SBNO1: variants seen among roughly 807,000 people sequenced by gnomAD.
The protein encoded by SBNO1 is strawberry notch homolog 1.
A neutral mutation model predicts 173.6 loss-of-function variants in SBNO1; 23 were observed. The ratio of observed to expected loss-of-function variants is 0.13; its 90% CI spans 0.10 to 0.19. The LOEUF (loss-of-function observed/expected upper bound fraction) is 0.19. SBNO1 is among the 10% of genes least tolerant of loss of function. SBNO1 has a pLI of 1.00. For synonymous variants in SBNO1, 632 were observed against 571.5 expected (o/e 1.11, Z -1.51); for missense variants, 1,238 against 1,671.2 (o/e 0.74, Z 4.52).
intron 1 of SBNO1, among the ~76,000 whole-genome samples, chr12:123,361,672 T>G (rs1875195210): frequency 1.4e-5 from 2 of 146,948 alleles, no homozygotes; most frequent in Admixed American, 1.4e-4. Context: ...AGCGGGAGGT[T>G]GCAGTGAGCT....
At chr12:123,353,767 T>C (rs1874138985) in intron 1 of SBNO1, among the ~76,000 whole-genome samples, 1 of 152,222 alleles carries the variant, frequency 6.6e-6, no homozygotes, top group Non-Finnish European at 1.5e-5. Flanking sequence ...AAATAGGGTC[T>C]TGGCCCACTG....
At chr12:123,363,001 C>G (rs976374202) in intron 1 of SBNO1, among the ~76,000 whole-genome samples, 28 of 151,996 alleles carry the variant, frequency 1.8e-4, no homozygotes, top group African/African-American at 6.3e-4. Flanking sequence ...GTGGGACGAT[C>G]GCTTGAGCCC....
Position 123,309,489 on chromosome 12 carries a change from T to G in SBNO1, c.3537A>C (p.Thr1179=). The G allele has an allele frequency of 6.2e-7, 1 of 1,610,304 alleles. No homozygotes were observed. Among genetic ancestry groups the G allele is most frequent in the South Asian group, 1.1e-5 (1 of 91,006 alleles). Residue 1179 remains threonine, a splice_region_variant and synonymous_variant, in exon 27 of 32, where the codon ACA becomes ACC. Transcript: ENST00000602398. ...YSTSGHVELY[T]ISVERGMSWE... The stretch of plus-strand genomic sequence containing the variant: ...ACTTCACAACATTTTCTAAACTTAC[T>G]GTGTATAATTCTACGTGGCCAGAGG...
rs182670630 is a variant in SBNO1, at chr12:123,314,606, C to T, written c.3120+767G>A. ...GTCTCCCAAAGTGCTGGATTACAGG[C>T]GTGAGCCACTGTGCCCAGCCACGCC... On this transcript the variant is annotated intron_variant, in intron 23 of 31. Coordinates refer to ENST00000602398, the MANE Select transcript of SBNO1 (RefSeq NM_001167856.3). 3.0e-3 allele frequency among the ~76,000 whole-genome samples: 452 copies of T among 151,562 alleles called. 2 individuals are homozygous for T. Among genetic ancestry groups the T allele is most frequent in the African/African-American group, 1.0e-2 (413 of 41,336 alleles).
Position 123,291,361 on chromosome 12 carries a change from G to A in SBNO1, c.*4547C>T, listed in dbSNP as rs1232417295. ...GCAAGTCAGGTTTGCTGATCTAAGAGCTAAGTTTGATCCCAAATGCACTGA... is the reference window on the plus strand; with the variant it reads ...GCAAGTCAGGTTTGCTGATCTAAGAACTAAGTTTGATCCCAAATGCACTGA... On this transcript the variant is annotated 3_prime_UTR_variant, in exon 32 of 32. Transcript: ENST00000602398. 6.6e-6 allele frequency: 1 copy of A among 152,154 alleles called. No homozygotes were observed. Among genetic ancestry groups the A allele is most frequent in the Non-Finnish European group, 1.5e-5 (1 of 68,034 alleles). 9.4% of individuals were successfully genotyped at this position (152,154 alleles called of 1,614,324 possible).
At position 123,294,634 on chromosome 12, in the gene SBNO1, C is replaced by CAAAAAAAAAAAAAAAAAAAAAAAAGAAAA. The variant is rs2048560283; in HGVS notation, c.*1273_*1274insTTTTCTTTTTTTTTTTTTTTTTTTTTTTT. ...TTTTCAATAGTGCAACCTGTGGAAG[C>CAAAAAAAAAAAAAAAAAAAAAAAAGAAAA]AAAAAAAAAAAAAAAAAAAAAAAAA... On this transcript the variant is annotated 3_prime_UTR_variant, in exon 32 of 32. Coordinates refer to ENST00000602398, the MANE Select transcript of SBNO1 (RefSeq NM_001167856.3). The CAAAAAAAAAAAAAAAAAAAAAAAAGAAAA allele has an allele frequency of 2.2e-4, 13 of 59,958 alleles. No individual in the cohort carries two copies. The highest frequency in any genetic ancestry group is 2.6e-4 in the Admixed American group (1 of 3,894). 3.7% of individuals were successfully genotyped at this position (59,958 alleles called of 1,614,324 possible).
At chr12:123,316,949 A>G (rs918692286) in intron 21 of SBNO1, among the ~76,000 whole-genome samples, 1 of 151,360 alleles carries the variant, frequency 6.6e-6, no homozygotes, top group South Asian at 2.1e-4. Flanking sequence ...TGATGCACCC[A>G]CCTCAGCCTC....
intron 1 of SBNO1, among the ~76,000 whole-genome samples, chr12:123,359,135 G>A (rs560393534): frequency 1.2e-4 from 18 of 151,868 alleles, no homozygotes; most frequent in African/African-American, 3.6e-4. Flanking sequence ...GGGTTTCACC[G>A]TGCTAGCCAG....
Position 123,321,662 on chromosome 12 carries a change from G to C in SBNO1, c.2196C>G (p.Asp732Glu), listed in dbSNP as rs1869987864. ...VGGLTGSSSD[D>E]SGSESDASDN... ...CAGAGGCATCAGATTCACTTCCACTGTCGTCAGAACTGCTACCAGTAAGGC... is the reference window on the plus strand; with the variant it reads ...CAGAGGCATCAGATTCACTTCCACTCTCGTCAGAACTGCTACCAGTAAGGC... The change falls in exon 17 of 32, where the codon GAC becomes GAG. Residue 732 changes from aspartate (D) to glutamate (E), a missense_variant. Asp to Glu is a conservative substitution (Grantham distance 45). This residue lies in a region of SBNO1 where 81 missense variants were observed against 82.6 expected (regional missense o/e 0.98). Transcript: ENST00000602398. 1 of 1,613,940 alleles carries C rather than the reference G, an allele frequency of 6.2e-7. No individual in the cohort carries two copies. The highest frequency in any genetic ancestry group is 8.5e-7 in the Non-Finnish European group (1 of 1,179,960).
rs1186644673 is a variant in SBNO1, at chr12:123,345,544, A to G, written c.264T>C (p.Phe88=). 6.2e-7 allele frequency: 1 copy of G among 1,613,956 alleles called. No homozygotes were observed. Among genetic ancestry groups the G allele is most frequent in the Non-Finnish European group, 8.5e-7 (1 of 1,179,924 alleles). ...VRQQPPSTTT[F]VLNQINHLPP... ...GAAGATGATTTATTTGATTCAGCAC[A>G]AATGTTGTAGTAGATGGAGGCTGCT... Residue 88 remains phenylalanine (F), a synonymous_variant, in exon 4 of 32, where the codon TTT becomes TTC. Transcript: ENST00000602398.
In SBNO1 at chr12:123,313,234, AAAT is replaced by A. The variant is rs1391106628; in HGVS notation, c.3220+383_3220+385del. ...TAAATAAATAAATAAATAAATAAATAAATAAATAAATAAATAAATAATTTTTAA... is the reference window on the plus strand; with the variant it reads ...TAAATAAATAAATAAATAAATAAATAAAATAAATAAATAAATAATTTTTAA... On this transcript the variant is annotated intron_variant, in intron 24 of 31. Transcript: ENST00000602398. 2.0e-5 allele frequency among the ~76,000 whole-genome samples: 3 copies of A among 148,684 alleles called. No homozygotes were observed. The East Asian group carries it at 5.8e-4, about 29-fold the overall frequency.
intron 29 of SBNO1, among the ~76,000 whole-genome samples, chr12:123,304,159 G>A (rs555390985): frequency 1.9e-4 from 29 of 152,232 alleles, no homozygotes; most frequent in African/African-American, 7.0e-4. Flanking sequence ...TCAAACTCCT[G>A]ACCTCAGGTG....
chr12:123,332,131 G>A (rs980588672), intron 7 of SBNO1, among the ~76,000 whole-genome samples: 3 of 152,164 alleles, frequency 2.0e-5, no homozygotes, highest in Admixed American at 6.5e-5. Context: ...TTACAGGCAC[G>A]AGTCACCGCG....
At chr12:123,346,466 C>T (rs1222208336) in intron 3 of SBNO1, among the ~76,000 whole-genome samples, 1 of 150,618 alleles carries the variant, frequency 6.6e-6, no homozygotes, top group African/African-American at 2.4e-5. Context: ...AGATCGAGAC[C>T]ATCCTGGCTA....
chr12:123,317,210 T>G lies in SBNO1; in HGVS notation c.2935+11A>C, dbSNP rs373784667. The G allele has an allele frequency of 5.5e-5, 88 of 1,613,610 alleles. No individual in the cohort carries two copies. Among genetic ancestry groups the G allele is most frequent in the Non-Finnish European group, 6.4e-5 (76 of 1,179,754 alleles). ...TATCCATTAAGTGAAATCCAGTTTG[T>G]AGGAACTTACCGAACTGTTGAATTG... On this transcript the variant is annotated intron_variant, in intron 21 of 31. Coordinates refer to ENST00000602398, the MANE Select transcript of SBNO1 (RefSeq NM_001167856.3).
At chr12:123,340,509 A>C (rs572339275) in intron 5 of SBNO1, among the ~76,000 whole-genome samples, 1 of 134,988 alleles carries the variant, frequency 7.4e-6, no homozygotes, top group Admixed American at 8.2e-5. Flanking sequence ...TGAACCTGGG[A>C]GGTGGAGGTT....
At chr12:123,348,403 C>A (rs1228973125) in intron 2 of SBNO1, among the ~76,000 whole-genome samples, 1 of 152,074 alleles carries the variant, frequency 6.6e-6, no homozygotes, top group Non-Finnish European at 1.5e-5. Context: ...GTGGGCGGAT[C>A]ATGAGGTCAG....
intron 14 of SBNO1, 129 bp from the exon 15 acceptor site, chr12:123,325,728 T>C (rs1870537387): frequency 2.8e-6 from 2 of 708,430 alleles, no homozygotes; most frequent in African/African-American, 3.6e-5. Context: ...AAACACAAAT[T>C]TGTTTTACTT....
intron 1 of SBNO1, among the ~76,000 whole-genome samples, chr12:123,361,226 A>C (rs1289602428): frequency 6.6e-6 from 1 of 150,840 alleles, no homozygotes; most frequent in Non-Finnish European, 1.5e-5. Flanking sequence ...CCTGGGCAAC[A>C]AAGTGAGACT....
Sources: allele counts gnomAD v4.1 joint callset (sites outside exome capture counted in the v4.1 genomes callset), GRCh38; gene constraint gnomAD v4.1.1; regional missense constraint gnomAD v4.1.1; transcripts MANE v1.5; gene names NCBI Gene and HGNC (gene_info 2026-07-23, HGNC 2026-07-21).